CSTL1: variants seen among roughly 807,000 people sequenced by gnomAD.
The protein encoded by CSTL1 is cystatin-like 1.
CSTL1 carries 14 observed loss-of-function variants against 14.4 expected under a neutral mutation model. The observed-to-expected ratio is 0.97, with a 90% CI of 0.64 to 1.52. The LOEUF is 1.52. Ranked by LOEUF, CSTL1 falls within the 40% of genes most tolerant of loss-of-function variation. The probability of loss-of-function intolerance (pLI) is 0.00; values close to 1 mark genes in which losing one functional copy is unlikely to be tolerated. For missense variants in CSTL1, 170 were observed against 168.7 expected (o/e 1.01, Z -0.04); for synonymous variants, 72 against 67.5 (o/e 1.07, Z -0.33).
intron 1 of CSTL1, 126 bp downstream of exon 1, chr20:23,439,932 C>T: frequency 3.0e-6 from 1 of 330,842 alleles, no homozygotes; most frequent in East Asian, 6.5e-5. Flanking sequence ...AACCCCAGCT[C>T]TTATTGCAGA....
At chr20:23,455,380 G>T in the CSTL1 span, among the ~76,000 whole-genome samples, 1 of 152,186 alleles carries the variant, frequency 6.6e-6, no homozygotes, top group Non-Finnish European at 1.5e-5. Flanking sequence ...TTGTGCAATT[G>T]TCTGAACAGT....
downstream of CSTL1, among the ~76,000 whole-genome samples, chr20:23,445,204 CT>C (rs1986941638): frequency 6.7e-6 from 1 of 150,134 alleles, no homozygotes; most frequent in Non-Finnish European, 1.5e-5. Flanking sequence ...TTGGTGCAAT[CT>C]TTTCTTTCTT....
chr20:23,440,200 GAA>G lies in CSTL1; in HGVS notation c.-67_-66del, dbSNP rs1986792174. On this transcript the variant is annotated 5_prime_UTR_variant, in exon 2 of 4. An upstream open reading frame in the 5' UTR loses its in-frame stop. Coordinates refer to ENST00000347397, the MANE Select transcript of CSTL1 (RefSeq NM_138283.1). ...TGAGGGTTATGATGGGAGAATGAGT[GAA>G]CTGCAGCCTGGCACCACCACACCCT... 1 of 1,528,666 alleles carries G rather than the reference GAA, an allele frequency of 6.5e-7. No individual in the cohort carries two copies. Among genetic ancestry groups the G allele is most frequent in the Non-Finnish European group, 9.0e-7 (1 of 1,107,090 alleles). The allele number at this position is 1,528,666 out of a possible 1,614,324, so 94.7% of individuals were successfully genotyped here. A position where few individuals can be genotyped will look rare whatever the true frequency, so the allele number is the denominator to read the frequency against.
downstream of CSTL1, among the ~76,000 whole-genome samples, chr20:23,446,423 T>C (rs184123756): frequency 5.2e-3 from 789 of 152,170 alleles, 10 homozygotes; most frequent in African/African-American, 0.018. Flanking sequence ...GCCCAGCTAA[T>C]TTTTTTGTAT....
the CSTL1 span, among the ~76,000 whole-genome samples, chr20:23,455,084 G>A: frequency 6.6e-6 from 1 of 152,188 alleles, no homozygotes; most frequent in Non-Finnish European, 1.5e-5. Context: ...GGAACATGAA[G>A]TAATCTGGAG....
chr20:23,450,606 A>C, the CSTL1 span: 1 of 1,594,626 alleles, frequency 6.3e-7, no homozygotes, highest in Non-Finnish European at 8.6e-7. Flanking sequence ...CAAAAAACAA[A>C]GGCAATATTT....
chr20:23,452,555 TGG>T, the CSTL1 span: 1 of 1,439,644 alleles, frequency 6.9e-7, no homozygotes. Context: ...GTATCAGGCC[TGG>T]GGAGAGGCGG....
chr20:23,452,942 C>G, the CSTL1 span: 1 of 652,732 alleles, frequency 1.5e-6, no homozygotes, highest in South Asian at 1.9e-5. Flanking sequence ...CTCCTCTCCT[C>G]CTCCTCCCCC....
intron 2 of CSTL1, among the ~76,000 whole-genome samples, chr20:23,443,689 A>G (rs188276391): frequency 6.6e-6 from 1 of 152,316 alleles, no homozygotes; most frequent in Non-Finnish European, 1.5e-5. Context: ...TGAGGATGGA[A>G]CAGAGGCAGG....
chr20:23,455,079 A>T, the CSTL1 span, among the ~76,000 whole-genome samples: 2 of 152,224 alleles, frequency 1.3e-5, no homozygotes, highest in Non-Finnish European at 1.5e-5. Flanking sequence ...CTATTGGAAC[A>T]TGAAGTAATC....
chr20:23,442,405 G>A (rs1226883397), intron 2 of CSTL1: 1 of 152,262 alleles, frequency 6.6e-6, no homozygotes, highest in Admixed American at 6.5e-5. Flanking sequence ...TAGGAGGGAA[G>A]CACTTAGCAC....
chr20:23,446,506 TC>T (rs1358924692), downstream of CSTL1, among the ~76,000 whole-genome samples: 1 of 152,174 alleles, frequency 6.6e-6, no homozygotes, highest in African/African-American at 2.4e-5. Flanking sequence ...TCCACCCGCC[TC>T]CGCCTCCCAA....
the CSTL1 span, among the ~76,000 whole-genome samples, chr20:23,451,275 C>G: frequency 6.9e-6 from 1 of 145,526 alleles, no homozygotes; most frequent in Non-Finnish European, 1.5e-5. Context: ...CCTGTTGGAG[C>G]TGGAGCTGCC....
chr20:23,446,362 T>C (rs1986967270), downstream of CSTL1, among the ~76,000 whole-genome samples: 1 of 152,080 alleles, frequency 6.6e-6, no homozygotes, highest in Admixed American at 6.5e-5. Flanking sequence ...TTCAACCAAT[T>C]CTTCTGCCTC....
downstream of CSTL1, among the ~76,000 whole-genome samples, chr20:23,445,231 C>CTTTTTTT (rs11478198): frequency 1.5e-5 from 2 of 134,172 alleles, no homozygotes; most frequent in African/African-American, 5.7e-5. Context: ...TTCTTTCTTT[C>CTTTTTTT]TTTTTTTTTT....
At chr20:23,459,868 C>T in the CSTL1 span, among the ~76,000 whole-genome samples, 1 of 152,214 alleles carries the variant, frequency 6.6e-6, no homozygotes, top group Non-Finnish European at 1.5e-5. Flanking sequence ...ATCCAGACTC[C>T]TGTAATATCC....
chr20:23,440,419 C>T lies in CSTL1; in HGVS notation c.152C>T (p.Ser51Phe), dbSNP rs564671302. Residue 51 changes from serine to phenylalanine, a missense_variant, in exon 2 of 4, where the codon TCC (serine) becomes TTC (phenylalanine). By Grantham distance (155) the Ser-to-Phe change is radical. Transcript: ENST00000347397. ...TCAACACTCAACTTCTTCATTCAAT[C>T]CTACAACAATGCCAGCAACGACACC... ...MNSTLNFFIQ[S>F]YNNASNDTYL... The T allele has an allele frequency of 1.9e-6, 3 of 1,614,148 alleles. No homozygotes were observed. The highest frequency in any genetic ancestry group is 2.5e-6 in the Non-Finnish European group (3 of 1,179,990).
At chr20:23,453,155 A>G in the CSTL1 span, among the ~76,000 whole-genome samples, 2 of 149,882 alleles carry the variant, frequency 1.3e-5, no homozygotes, top group Non-Finnish European at 3.0e-5. Context: ...GGAGGATGGT[A>G]GCTGCTGGAG....
At chr20:23,444,166 T>G in intron 3 of CSTL1, 122 bp downstream of exon 3, 2 of 791,122 alleles carry the variant, frequency 2.5e-6, no homozygotes, top group South Asian at 3.3e-5. Flanking sequence ...GCCCTGGGGC[T>G]GTCTGGCACC....
Sources: gnomAD v4.1 joint callset for allele counts (sites outside exome capture counted in the v4.1 genomes callset) on GRCh38, gnomAD v4.1.1 for gene constraint, MANE v1.5 for transcripts, NCBI Gene and HGNC (gene_info 2026-07-23, HGNC 2026-07-21) for gene names.